Variants in VASH2 observed in about 807,000 individuals in gnomAD.
The protein encoded by VASH2 is vasohibin 2, also known as tubulinyl-Tyr carboxypeptidase 2.
A neutral mutation model predicts 37.2 loss-of-function variants in VASH2; 28 were observed. That is an observed-to-expected ratio of 0.75 (90% CI 0.56 to 1.03). VASH2 has a LOEUF of 1.03. Ranked by LOEUF, VASH2 falls within the 50% of genes least tolerant of loss-of-function variation. The pLI, the probability that VASH2 is intolerant of heterozygous loss-of-function variation, is 0.00. For missense variants in VASH2, 419 were observed against 459.1 expected (o/e 0.91, Z 0.80); for synonymous variants, 188 against 174.7 (o/e 1.08, Z -0.60).
At chr1:212,979,009 T>C (rs950841472) in intron 7 of VASH2, among the ~76,000 whole-genome samples, 1 of 152,020 alleles carries the variant, frequency 6.6e-6, no homozygotes, top group African/African-American at 2.4e-5. Context: ...GGGGAAGAGA[T>C]TGCAGGGTCT....
At chr1:212,955,365 C>G (rs1433500311) in intron 2 of VASH2, among the ~76,000 whole-genome samples, 1 of 152,196 alleles carries the variant, frequency 6.6e-6, no homozygotes, top group Non-Finnish European at 1.5e-5. Context: ...GCTTTGAGAT[C>G]CTCCTTCTAA....
At chr1:212,979,866 AT>A (rs1667289410) in intron 7 of VASH2, among the ~76,000 whole-genome samples, 1 of 151,652 alleles carries the variant, frequency 6.6e-6, no homozygotes, top group Admixed American at 6.6e-5. Context: ...GGAGGTTGAG[AT>A]TCATGTTTCA....
chr1:212,986,251 CA>C (rs1667475749), intron 7 of VASH2, among the ~76,000 whole-genome samples: 1 of 152,150 alleles, frequency 6.6e-6, no homozygotes, highest in Admixed American at 6.5e-5. Flanking sequence ...ATCCTGCAGG[CA>C]AATTGAATTT....
intron 5 of VASH2, chr1:212,968,823 A>G: frequency 1.0e-6 from 1 of 985,492 alleles, no homozygotes; most frequent in Non-Finnish European, 1.2e-6. Flanking sequence ...GGGGAACACA[A>G]GCCCAGGCCC....
At position 212,951,763 on chromosome 1, in the gene VASH2, A is replaced by C; in HGVS notation, c.221A>C (p.His74Pro). ...ATGTGGATGCACGTGGCCAAGGTGC[A>C]CCCTAAGGGGGGAGAAATGGTGGGC... is the stretch of plus-strand genomic sequence containing the variant. ...ERMWMHVAKV[H>P]PKGGEMVGAI... The change falls in exon 2 of 8, where the codon CAC becomes CCC. Residue 74 changes from histidine to proline, a missense_variant. Physicochemically the swap from His to Pro is moderately conservative, Grantham distance 77. This residue lies in a region of VASH2 where 158 missense variants were observed against 163.0 expected (regional missense o/e 0.97). Transcript: ENST00000517399. The surrounding 1 kb of genome is among the most constrained non-coding windows in gnomAD (Gnocchi z 4.4). 6.2e-7 allele frequency: 1 copy of C among 1,608,828 alleles called. No individual in the cohort carries two copies. The highest frequency in any genetic ancestry group is 8.5e-7 in the Non-Finnish European group (1 of 1,178,594).
intron 7 of VASH2, among the ~76,000 whole-genome samples, chr1:212,979,516 G>T (rs1479456939): frequency 1.3e-5 from 2 of 152,172 alleles, no homozygotes; most frequent in African/African-American, 2.4e-5. Flanking sequence ...GTCCCTGTCT[G>T]CCATGGATAA....
chr1:212,982,450 A>G, intron 7 of VASH2, among the ~76,000 whole-genome samples: 1 of 152,314 alleles, frequency 6.6e-6, no homozygotes, highest in East Asian at 1.9e-4. Flanking sequence ...GTTCTGGGCA[A>G]GTGCAGACCC....
At position 212,973,978 on chromosome 1, in the gene VASH2, C is replaced by G; in HGVS notation, c.903C>G (p.His301Gln). The part of the protein sequence containing the change: ...RMKILKPASA[H>Q]SPTQVRSRGK... ...AGATCCTGAAACCTGCAAGTGCCCACTCTCCGACCCAAGTGAGAAGCCGGG... is the reference window on the plus strand; with the variant it reads ...AGATCCTGAAACCTGCAAGTGCCCAGTCTCCGACCCAAGTGAGAAGCCGGG... Residue 301 changes from histidine to glutamine, a missense_variant, in exon 7 of 8, where the codon CAC (histidine) becomes CAG (glutamine). This residue lies in a region of VASH2 where 177 missense variants were observed against 166.2 expected (regional missense o/e 1.06). Coordinates refer to ENST00000517399, the MANE Select transcript of VASH2 (RefSeq NM_001301056.2). 1 of 1,613,864 alleles carries G rather than the reference C, an allele frequency of 6.2e-7. No homozygotes were observed. Among genetic ancestry groups the G allele is most frequent in the Non-Finnish European group, 8.5e-7 (1 of 1,179,932 alleles).
At position 212,961,125 on chromosome 1, in the gene VASH2, G is replaced by A. The variant is rs748571563; in HGVS notation, c.277-41G>A. ...GCCCCCAGAAGCTGGGCCCCAGAGC[G>A]CCTCCTTCATAAACACCTCCTCTTC... is the stretch of plus-strand genomic sequence containing the variant. On this transcript the variant is annotated intron_variant, in intron 2 of 7. Transcript: ENST00000517399. 340 of 1,600,226 alleles carry A rather than the reference G, an allele frequency of 2.1e-4. 1 individual carries two copies. The highest frequency in any genetic ancestry group is 5.4e-4 in the Middle Eastern group (3 of 5,602).
chr1:212,973,008 C>G (rs1399734261), intron 6 of VASH2, 47 bp downstream of exon 6: 11 of 1,574,376 alleles, frequency 7.0e-6, no homozygotes, highest in African/African-American at 4.1e-5. Flanking sequence ...GCTCTTTTCC[C>G]ATTCCTTTCT....
intron 7 of VASH2, among the ~76,000 whole-genome samples, chr1:212,982,195 A>T (rs748134204): frequency 6.6e-6 from 1 of 151,832 alleles, no homozygotes; most frequent in Non-Finnish European, 1.5e-5. Flanking sequence ...ACCCTAGTTC[A>T]CTCTGAGTCC....
chr1:212,955,665 G>C (rs993832599), intron 2 of VASH2, among the ~76,000 whole-genome samples: 12 of 152,192 alleles, frequency 7.9e-5, no homozygotes, highest in Admixed American at 4.6e-4. Context: ...TCGGTTTCTT[G>C]CAGACCTCAC....
chr1:212,973,034 C>T (rs1440167240), intron 6 of VASH2, 73 bp downstream of exon 6: 5 of 1,540,708 alleles, frequency 3.2e-6, no homozygotes, highest in South Asian at 1.2e-5. Context: ...TCTCTTGCTC[C>T]AGGCCTCATT....
intron 5 of VASH2, among the ~76,000 whole-genome samples, chr1:212,969,564 TAA>T (rs1366271044): frequency 1.3e-5 from 2 of 152,152 alleles, no homozygotes; most frequent in Non-Finnish European, 2.9e-5. Context: ...CGATCTCGGC[TAA>T]GTTTTTGTAT....
At chr1:212,977,496 G>A (rs1667212214) in intron 7 of VASH2, among the ~76,000 whole-genome samples, 1 of 152,064 alleles carries the variant, frequency 6.6e-6, no homozygotes, top group African/African-American at 2.4e-5. Flanking sequence ...ATGAGCAGCT[G>A]GGGTCACATG....
chr1:212,954,202 C>T (rs765362623), intron 2 of VASH2, among the ~76,000 whole-genome samples: 8 of 152,166 alleles, frequency 5.3e-5, no homozygotes, highest in Non-Finnish European at 7.4e-5. Flanking sequence ...TGTGAGCCAC[C>T]GCATCTGGCC....
At chr1:212,987,031 CAGAGAGAG>C (rs10601750) in intron 7 of VASH2, among the ~76,000 whole-genome samples, 6 of 148,542 alleles carry the variant, frequency 4.0e-5, no homozygotes, top group East Asian at 2.0e-4. Context: ...CTTCCCATTT[CAGAGAGAG>C]AGAGAGAGAG....
Sources: allele counts gnomAD v4.1 joint callset (sites outside exome capture counted in the v4.1 genomes callset), GRCh38; gene constraint gnomAD v4.1.1; regional missense constraint gnomAD v4.1.1; non-coding constraint Gnocchi (gnomAD v3.1); transcripts MANE v1.5; gene names NCBI Gene and HGNC (gene_info 2026-07-23, HGNC 2026-07-21).